The following STAG1 variants were observed in gnomAD, a reference collection of about 807,000 sequenced individuals.
STAG1 encodes the protein cohesin subunit SA-1.
Under a neutral mutation model 170.9 loss-of-function variants are expected in STAG1, and 26 were observed. The observed-to-expected ratio is 0.15, with a 90% CI of 0.11 to 0.21. The LOEUF (loss-of-function observed/expected upper bound fraction) is 0.21, where lower values mean the gene tolerates loss of function less well. STAG1 is among the 10% of genes least tolerant of loss of function. The pLI is 1.00. For synonymous variants in STAG1, 514 were observed against 497.7 expected (o/e 1.03, Z -0.44); for missense variants, 964 against 1,509.5 (o/e 0.64, Z 5.99).
At chr3:136,380,957 T>A (rs558239998) in intron 22 of STAG1, among the ~76,000 whole-genome samples, 1 of 149,276 alleles carries the variant, frequency 6.7e-6, no homozygotes, top group Admixed American at 6.7e-5. Flanking sequence ...GAGGTGGAGG[T>A]TGCAGTGAGC....
At chr3:136,486,013 T>G (rs2090003872) in intron 9 of STAG1, among the ~76,000 whole-genome samples, 1 of 152,238 alleles carries the variant, frequency 6.6e-6, no homozygotes, top group Non-Finnish European at 1.5e-5. Flanking sequence ...GGGAGTTTCC[T>G]TAGAGCAGTG....
intron 7 of STAG1, among the ~76,000 whole-genome samples, chr3:136,512,096 T>TAA (rs35238532): frequency 0.027 from 1,872 of 68,288 alleles, 58 homozygotes; most frequent in East Asian, 0.1. Flanking sequence ...CTCTACAAAA[T>TAA]AAAAAAAAAA....
chr3:136,491,683 C>G (rs992387205), intron 9 of STAG1, among the ~76,000 whole-genome samples: 2 of 152,128 alleles, frequency 1.3e-5, no homozygotes, highest in Non-Finnish European at 2.9e-5. Flanking sequence ...TTAGATCTAG[C>G]AGCATACAGA....
chr3:136,739,675 T>G (rs930406470), intron 1 of STAG1, among the ~76,000 whole-genome samples: 1 of 150,936 alleles, frequency 6.6e-6, no homozygotes, highest in African/African-American at 2.4e-5. Context: ...CAAAAAAAAA[T>G]TAGCCAGATG....
intron 6 of STAG1, among the ~76,000 whole-genome samples, chr3:136,541,582 A>ACACACACACACACACACACACACC (rs1283802944): frequency 3.3e-5 from 5 of 150,066 alleles, no homozygotes. Context: ...ACACACACAC[A>ACACACACACACACACACACACACC]CACCAGGGGT....
At chr3:136,621,132 CA>C (rs1043926417) in intron 3 of STAG1, among the ~76,000 whole-genome samples, 51 of 139,310 alleles carry the variant, frequency 3.7e-4, no homozygotes, top group Admixed American at 4.3e-4. Flanking sequence ...GGTTCCGTCT[CA>C]AAAAAAAAAA....
At chr3:136,455,538 C>G (rs2089085072) in intron 13 of STAG1, among the ~76,000 whole-genome samples, 1 of 152,178 alleles carries the variant, frequency 6.6e-6, no homozygotes, top group Non-Finnish European at 1.5e-5. Context: ...GCCTGGAGGC[C>G]AGAAACACCT....
intron 23 of STAG1, among the ~76,000 whole-genome samples, chr3:136,374,656 GTGTT>G (rs1379524544): frequency 1.1e-4 from 16 of 151,182 alleles, no homozygotes; most frequent in Non-Finnish European, 2.1e-4. Context: ...GCTGTTTAAT[GTGTT>G]TGTGTGTTAG....
chr3:136,736,532 G>A lies in STAG1; in HGVS notation c.-84+15663C>T. On this transcript the variant is annotated intron_variant, in intron 1 of 33. Coordinates refer to ENST00000383202, the MANE Select transcript of STAG1 (RefSeq NM_005862.3). ...CCATTTTTACTTTCGGTGGTCTCAG[G>A]AAGGTCCGATTTATCTTCTCTTTCT... 2.0e-6 allele frequency: 3 copies of A among 1,479,358 alleles called. No homozygotes were observed. In the South Asian group the frequency reaches 3.4e-5, roughly 17 times the overall value. 91.6% of individuals were successfully genotyped at this position (1,479,358 alleles called of 1,614,324 possible). A position where few individuals can be genotyped will look rare whatever the true frequency, so the allele number is the denominator to read the frequency against.
intron 16 of STAG1, among the ~76,000 whole-genome samples, chr3:136,428,650 A>T (rs2088203672): frequency 6.6e-6 from 1 of 152,210 alleles, no homozygotes; most frequent in African/African-American, 2.4e-5. Flanking sequence ...TGAAAATGCC[A>T]TTGTTGTTCT....
intron 28 of STAG1, among the ~76,000 whole-genome samples, chr3:136,355,427 G>A (rs1371657306): frequency 7.0e-6 from 1 of 142,092 alleles, no homozygotes; most frequent in Non-Finnish European, 1.5e-5. Context: ...AGCAAAAACT[G>A]ACAGAACTGA....
intron 14 of STAG1, among the ~76,000 whole-genome samples, chr3:136,447,917 G>A (rs2088831196): frequency 1.3e-5 from 2 of 151,962 alleles, no homozygotes; most frequent in African/African-American, 4.8e-5. Context: ...GCGCCTGGCT[G>A]CATCACACTT....
chr3:136,751,194 T>C (rs1935214151), intron 1 of STAG1, among the ~76,000 whole-genome samples: 1 of 151,968 alleles, frequency 6.6e-6, no homozygotes, highest in South Asian at 2.1e-4. Flanking sequence ...TGTTTTTTTT[T>C]TGTCTGTAAG....
intron 13 of STAG1, among the ~76,000 whole-genome samples, chr3:136,461,937 T>C (rs2089285745): frequency 6.6e-6 from 1 of 152,088 alleles, no homozygotes; most frequent in South Asian, 2.1e-4. Flanking sequence ...CCAACTGGTA[T>C]ACAAAAAGTG....
At chr3:136,490,201 C>T (rs2090097682) in intron 9 of STAG1, among the ~76,000 whole-genome samples, 2 of 152,020 alleles carry the variant, frequency 1.3e-5, no homozygotes, top group Admixed American at 1.3e-4. Context: ...CCATCACACC[C>T]CTTTTTTTTT....
At chr3:136,669,180 A>G (rs1941905650) in intron 1 of STAG1, among the ~76,000 whole-genome samples, 1 of 152,206 alleles carries the variant, frequency 6.6e-6, no homozygotes, top group Non-Finnish European at 1.5e-5. Flanking sequence ...GGAACTTCCA[A>G]TTGAAAAAGG....
At chr3:136,669,396 C>T (rs150663631) in intron 1 of STAG1, among the ~76,000 whole-genome samples, 1 of 152,270 alleles carries the variant, frequency 6.6e-6, no homozygotes, top group African/African-American at 2.4e-5. Context: ...CTCTGTCACC[C>T]AGGCTAGACC....
intron 3 of STAG1, among the ~76,000 whole-genome samples, chr3:136,618,531 T>C (rs923718729): frequency 6.6e-6 from 1 of 152,138 alleles, no homozygotes; most frequent in Non-Finnish European, 1.5e-5. Context: ...TATGCAAATA[T>C]GAAAGTTAAA....
intron 1 of STAG1, among the ~76,000 whole-genome samples, chr3:136,634,708 G>A (rs1174960085): frequency 6.7e-6 from 1 of 148,688 alleles, no homozygotes; most frequent in Non-Finnish European, 1.5e-5. Flanking sequence ...GCAAACTGAA[G>A]AAATAATTAG....
Sources: allele counts gnomAD v4.1 joint callset (sites outside exome capture counted in the v4.1 genomes callset), GRCh38; gene constraint gnomAD v4.1.1; transcripts MANE v1.5; gene names NCBI Gene and HGNC (gene_info 2026-07-23, HGNC 2026-07-21).